The following MAP3K13 variants were observed in gnomAD, a reference collection of about 807,000 sequenced individuals.
The protein encoded by MAP3K13 is mitogen-activated protein kinase kinase kinase 13.
Under a neutral mutation model 104.0 loss-of-function variants are expected in MAP3K13, and 52 were observed. The observed-to-expected ratio is 0.50, with a 90% CI of 0.40 to 0.63. MAP3K13 has a LOEUF of 0.63. MAP3K13 is among the 20% of genes least tolerant of loss of function. The pLI is 0.00. For missense variants in MAP3K13, 914 were observed against 1,218.5 expected (o/e 0.75, Z 3.72); for synonymous variants, 394 against 442.2 (o/e 0.89, Z 1.37).
chr3:185,318,734 G>A (rs1391640012), intron 2 of MAP3K13, among the ~76,000 whole-genome samples: 1 of 152,144 alleles, frequency 6.6e-6, no homozygotes, highest in Non-Finnish European at 1.5e-5. Flanking sequence ...TGCAGAGATG[G>A]CAGATACATT....
chr3:185,367,156 G>A (rs1055605786), intron 1 of MAP3K13, among the ~76,000 whole-genome samples: 8 of 152,116 alleles, frequency 5.3e-5, no homozygotes, highest in African/African-American at 1.9e-4. Flanking sequence ...ATATTCAGTT[G>A]TTTGAGTAAT....
chr3:185,294,844 C>A (rs1055444670), intron 2 of MAP3K13, among the ~76,000 whole-genome samples: 2 of 152,194 alleles, frequency 1.3e-5, no homozygotes, highest in African/African-American at 4.8e-5. Context: ...CCTCATGAAA[C>A]TAATCCATTG....
chr3:185,460,691 C>T (rs1055838311), intron 7 of MAP3K13, among the ~76,000 whole-genome samples: 3 of 152,180 alleles, frequency 2.0e-5, no homozygotes, highest in Non-Finnish European at 2.9e-5. Flanking sequence ...AATAGGATAC[C>T]TTCGGGGGAA....
intron 1 of MAP3K13, among the ~76,000 whole-genome samples, chr3:185,382,782 G>A (rs1724792753): frequency 6.6e-6 from 1 of 152,126 alleles, no homozygotes. Context: ...GAGGCGGGTG[G>A]ATCACGAGGT....
At chr3:185,454,920 G>T (rs193031818) in intron 7 of MAP3K13, among the ~76,000 whole-genome samples, 1 of 40,206 alleles carries the variant, frequency 2.5e-5, no homozygotes, top group Non-Finnish European at 5.2e-5. Context: ...ATATATATGA[G>T]ATATATATAT....
At chr3:185,330,071 T>C (rs1183373408) in intron 2 of MAP3K13, among the ~76,000 whole-genome samples, 1 of 123,484 alleles carries the variant, frequency 8.1e-6, no homozygotes, top group Non-Finnish European at 1.7e-5. Context: ...TTTTTTTTTT[T>C]TTTTTTTTTT....
At chr3:185,471,971 G>C (rs1717821323) in intron 10 of MAP3K13, among the ~76,000 whole-genome samples, 1 of 152,166 alleles carries the variant, frequency 6.6e-6, no homozygotes, top group Non-Finnish European at 1.5e-5. Flanking sequence ...CAGCTGATCT[G>C]AATGCAACAG....
At chr3:185,430,743 C>A (rs1286513796) in intron 2 of MAP3K13, among the ~76,000 whole-genome samples, 2 of 152,078 alleles carry the variant, frequency 1.3e-5, no homozygotes, top group Non-Finnish European at 2.9e-5. Context: ...TTAAAATAAT[C>A]TATGATCCTC....
chr3:185,319,028 A>G (rs1336766970), intron 2 of MAP3K13, among the ~76,000 whole-genome samples: 2 of 152,186 alleles, frequency 1.3e-5, no homozygotes, highest in East Asian at 1.9e-4. Context: ...TCACATTTCT[A>G]TATATCCCTA....
intron 1 of MAP3K13, among the ~76,000 whole-genome samples, chr3:185,379,276 C>T (rs547241313): frequency 5.9e-5 from 9 of 152,286 alleles, no homozygotes; most frequent in Admixed American, 5.2e-4. Context: ...TTCCCGAGTC[C>T]GTGACAGACG....
At chr3:185,456,001 T>C (rs1374811884) in intron 7 of MAP3K13, among the ~76,000 whole-genome samples, 2 of 148,208 alleles carry the variant, frequency 1.3e-5, no homozygotes, top group African/African-American at 2.5e-5. Context: ...ATGAGATATA[T>C]ATGAGATATA....
At chr3:185,479,885 G>T (rs79556452) in intron 12 of MAP3K13, among the ~76,000 whole-genome samples, 5,249 of 152,264 alleles carry the variant, frequency 0.034, 126 homozygotes, top group Middle Eastern at 0.068. Flanking sequence ...AAAAAGGTGG[G>T]AGGGAGGAAT....
At chr3:185,448,440 TA>T (rs982077869) in intron 5 of MAP3K13, among the ~76,000 whole-genome samples, 2 of 151,784 alleles carry the variant, frequency 1.3e-5, no homozygotes, top group Middle Eastern at 3.4e-3. Context: ...GGCTATGCTT[TA>T]AAAAAAAATC....
intron 7 of MAP3K13, among the ~76,000 whole-genome samples, chr3:185,459,552 A>ATT (rs1206648142): frequency 6.6e-6 from 1 of 151,884 alleles, no homozygotes; most frequent in Non-Finnish European, 1.5e-5. Context: ...GGTTCAAGCT[A>ATT]TTCTCTCCTG....
At chr3:185,427,453 GT>G (rs1286547815) in intron 1 of MAP3K13, among the ~76,000 whole-genome samples, 3 of 152,176 alleles carry the variant, frequency 2.0e-5, no homozygotes, top group African/African-American at 7.2e-5. Flanking sequence ...ACTTTTAAAG[GT>G]TAGGTGGCCA....
chr3:185,450,453 C>T lies in MAP3K13; in HGVS notation c.1169+395C>T, dbSNP rs1241150560. 6.6e-6 allele frequency among the ~76,000 whole-genome samples: 1 copy of T among 152,044 alleles called. No individual in the cohort carries two copies. The highest frequency in any genetic ancestry group is 2.4e-5 in the African/African-American group (1 of 41,406). On this transcript the variant is annotated intron_variant, in intron 6 of 13. Transcript: ENST00000265026. The surrounding 1 kb of genome is among the most constrained non-coding windows in gnomAD (Gnocchi z 4.2). ...ATCTCATAATTACATTTTCCTTTTGCTCTTCAGTATATCAAAACTGTACTG... is the reference window on the plus strand; with the variant it reads ...ATCTCATAATTACATTTTCCTTTTGTTCTTCAGTATATCAAAACTGTACTG...
chr3:185,330,187 C>T (rs948688590), intron 2 of MAP3K13, among the ~76,000 whole-genome samples: 1 of 151,732 alleles, frequency 6.6e-6, no homozygotes, highest in Non-Finnish European at 1.5e-5. Flanking sequence ...AGGCGTGAGC[C>T]ACCGCGCCCG....
chr3:185,442,358 G>C (rs1479538015), intron 3 of MAP3K13, among the ~76,000 whole-genome samples: 1 of 151,612 alleles, frequency 6.6e-6, no homozygotes. Context: ...GATTATGTAA[G>C]ATGGAAAATT....
At chr3:185,389,049 A>T (rs1367495653) in intron 1 of MAP3K13, among the ~76,000 whole-genome samples, 1 of 152,166 alleles carries the variant, frequency 6.6e-6, no homozygotes, top group Non-Finnish European at 1.5e-5. Context: ...ACATCAGTGT[A>T]TGAGAGTATG....
Sources: gnomAD v4.1 joint callset for allele counts (sites outside exome capture counted in the v4.1 genomes callset) on GRCh38, gnomAD v4.1.1 for gene constraint, Gnocchi (gnomAD v3.1) non-coding constraint, MANE v1.5 for transcripts, NCBI Gene and HGNC (gene_info 2026-07-23, HGNC 2026-07-21) for gene names.